The following TUSC3 variants were observed in gnomAD, a reference collection of about 807,000 sequenced individuals.
The protein encoded by TUSC3 is dolichyl-diphosphooligosaccharide--protein glycosyltransferase subunit TUSC3.
Under a neutral mutation model 44.8 loss-of-function variants are expected in TUSC3, and 45 were observed. The observed-to-expected ratio is 1.00, with a 90% CI of 0.79 to 1.29. The LOEUF is 1.29. Among genes scored for constraint, TUSC3 ranks in the 50% most tolerant of loss-of-function variants. The pLI, the probability that TUSC3 is intolerant of heterozygous loss-of-function variation, is 0.00. For synonymous variants in TUSC3, 212 were observed against 152.9 expected, an observed-to-expected ratio of 1.39 and a Z score of -2.85; for missense variants, 519 against 437.9, an observed-to-expected ratio of 1.19 and a Z score of -1.65.
chr8:15,674,596 C>T (rs1274898181), intron 6 of TUSC3, among the ~76,000 whole-genome samples: 1 of 151,792 alleles, frequency 6.6e-6, no homozygotes, highest in Non-Finnish European at 1.5e-5. Flanking sequence ...ATTCTTGTTT[C>T]ATCTTTCTTT....
At chr8:15,457,897 A>G (rs142900692) in intron 1 of TUSC3, among the ~76,000 whole-genome samples, 6,981 of 149,538 alleles carry the variant, frequency 0.047, 227 homozygotes, top group South Asian at 0.1. Flanking sequence ...TTAATTAATT[A>G]GATAATTACT....
At chr8:15,741,795 A>G (rs539237262) in intron 7 of TUSC3, among the ~76,000 whole-genome samples, 32 of 152,144 alleles carry the variant, frequency 2.1e-4, no homozygotes, top group Admixed American at 5.9e-4. Context: ...AAATTTATAC[A>G]TGCATATAAA....
chr8:15,743,505 C>G (rs754370627), intron 7 of TUSC3, 33 bp from the exon 8 acceptor site: 1 of 1,609,328 alleles, frequency 6.2e-7, no homozygotes, highest in South Asian at 1.1e-5. Flanking sequence ...TTATTCACAT[C>G]TATGTCTACG....
chr8:15,615,522 A>G (rs1804949639), intron 1 of TUSC3, among the ~76,000 whole-genome samples: 2 of 152,196 alleles, frequency 1.3e-5, no homozygotes, highest in African/African-American at 2.4e-5. Flanking sequence ...AAAATTACAG[A>G]TAAGAGTAAT....
At chr8:15,490,247 A>G (rs1800789228) in intron 2 of TUSC3, among the ~76,000 whole-genome samples, 1 of 152,230 alleles carries the variant, frequency 6.6e-6, no homozygotes, top group African/African-American at 2.4e-5. Flanking sequence ...AACAAAGAGA[A>G]GAGACACTGT....
chr8:15,689,937 A>G (rs1461583613), intron 6 of TUSC3, among the ~76,000 whole-genome samples: 1 of 149,632 alleles, frequency 6.7e-6, no homozygotes, highest in African/African-American at 2.5e-5. Context: ...GGTTAATTCC[A>G]TTTCTTTGCT....
intron 2 of TUSC3, among the ~76,000 whole-genome samples, chr8:15,494,791 A>C (rs115776192): frequency 0.019 from 2,911 of 152,310 alleles, 99 homozygotes; most frequent in African/African-American, 0.066. Flanking sequence ...GCAGCCCTGC[A>C]ACAAAAACTG....
At chr8:15,640,737 C>G (rs1262613124) in intron 2 of TUSC3, among the ~76,000 whole-genome samples, 5 of 152,008 alleles carry the variant, frequency 3.3e-5, no homozygotes, top group Admixed American at 3.3e-4. Context: ...ATTGAATGGT[C>G]ACTGTGTATA....
chr8:15,471,783 A>G (rs1316461771), intron 1 of TUSC3, among the ~76,000 whole-genome samples: 1 of 152,036 alleles, frequency 6.6e-6, no homozygotes, highest in African/African-American at 2.4e-5. Flanking sequence ...ACGTCCAGCT[A>G]ATTTTTGTAT....
chr8:15,677,987 G>A (rs1184812441), intron 6 of TUSC3, among the ~76,000 whole-genome samples: 2 of 152,184 alleles, frequency 1.3e-5, no homozygotes, highest in African/African-American at 2.4e-5. Flanking sequence ...GTTCATATTG[G>A]AGGTTAAGGA....
intron 5 of TUSC3, among the ~76,000 whole-genome samples, chr8:15,667,376 A>G (rs1807712079): frequency 6.6e-6 from 1 of 151,694 alleles, no homozygotes. Flanking sequence ...TAAAAAATGA[A>G]CAATAAATAA....
chr8:15,611,146 T>C (rs1248405911), intron 1 of TUSC3, among the ~76,000 whole-genome samples: 1 of 152,200 alleles, frequency 6.6e-6, no homozygotes, highest in African/African-American at 2.4e-5. Context: ...TTAATTTTTA[T>C]AGTGTTCTGT....
At chr8:15,723,640 C>G (rs954181857) in intron 6 of TUSC3, among the ~76,000 whole-genome samples, 1 of 152,012 alleles carries the variant, frequency 6.6e-6, no homozygotes, top group African/African-American at 2.4e-5. Context: ...TCAAAGAAGG[C>G]CCCAAGGATA....
chr8:15,722,648 G>T (rs765678870), intron 6 of TUSC3, among the ~76,000 whole-genome samples: 1 of 152,020 alleles, frequency 6.6e-6, no homozygotes, highest in Non-Finnish European at 1.5e-5. Context: ...CATGTATACA[G>T]AATCTTCTGT....
At position 15,713,475 on chromosome 8, in the gene TUSC3, A is replaced by G. The variant is rs192568727; in HGVS notation, c.799-17191A>G. ...TAAGAAAACTAGCAGAATTTTTGTCAGTTGTAATAGATATATTAGTTTGCT... is the reference window on the plus strand; with the variant it reads ...TAAGAAAACTAGCAGAATTTTTGTCGGTTGTAATAGATATATTAGTTTGCT... On this transcript the variant is annotated intron_variant, in intron 6 of 10. Transcript: ENST00000503731. Among the ~76,000 whole-genome samples, 401 of 152,272 alleles carry G rather than the reference A, an allele frequency of 2.6e-3. 2 individuals are homozygous for G. The highest frequency in any genetic ancestry group is 9.1e-3 in the African/African-American group (380 of 41,570).
At position 15,454,307 on chromosome 8, in the gene TUSC3, A is replaced by C. The variant is rs565461816; in HGVS notation, n.92-29079A>C. On this transcript the variant is annotated intron_variant and non_coding_transcript_variant, in intron 1 of 5. Transcript: ENST00000503191. ...AGCTTCTTAATAAACTTTCACTCCT[A>C]CTGTAAAACCTGCCCTGCTTCAGCC... is the stretch of plus-strand genomic sequence containing the variant. 4.6e-5 allele frequency among the ~76,000 whole-genome samples: 7 copies of C among 152,242 alleles called. No homozygotes were observed. The East Asian group carries it at 1.4e-3, about 29-fold the overall frequency.
At chr8:15,689,867 AAT>A (rs3988418) in intron 6 of TUSC3, among the ~76,000 whole-genome samples, 3 of 142,916 alleles carry the variant, frequency 2.1e-5, no homozygotes, top group Non-Finnish European at 3.0e-5. Context: ...TGTGTGTATA[AAT>A]ATATATATAT....
intron 2 of TUSC3, among the ~76,000 whole-genome samples, chr8:15,534,656 A>C (rs1057332392): frequency 2.6e-5 from 4 of 151,694 alleles, no homozygotes; most frequent in Non-Finnish European, 5.9e-5. Flanking sequence ...AAAAAAAAAA[A>C]AAAAAACTTC....
chr8:15,605,685 A>G (rs1426934963), intron 1 of TUSC3, among the ~76,000 whole-genome samples: 1 of 151,986 alleles, frequency 6.6e-6, no homozygotes, highest in Non-Finnish European at 1.5e-5. Flanking sequence ...ATCGTTTAGT[A>G]CCATAAGATA....
Sources: gnomAD v4.1 joint callset for allele counts (sites outside exome capture counted in the v4.1 genomes callset) on GRCh38, gnomAD v4.1.1 for gene constraint, MANE v1.5 for transcripts, NCBI Gene and HGNC (gene_info 2026-07-23, HGNC 2026-07-21) for gene names.